The following PCDH7 variants were observed in gnomAD, a reference collection of about 807,000 sequenced individuals.
PCDH7 encodes the protein protocadherin-7.
In PCDH7, 17 loss-of-function variants were observed where a neutral mutation model predicts 58.9. The observed-to-expected ratio is 0.29, with a 90% CI of 0.20 to 0.43. PCDH7 has a LOEUF of 0.43. Among genes scored for constraint, PCDH7 ranks in the 20% least tolerant of loss-of-function variants. The pLI is 1.00. For missense variants in PCDH7, 1,274 were observed against 1,441.0 expected (o/e 0.88, Z 1.88); for synonymous variants, 664 against 616.4 (o/e 1.08, Z -1.14).
chr4:30,750,373 T>C lies in PCDH7; in HGVS notation c.70+25777T>C, dbSNP rs1718349568. Among the ~76,000 whole-genome samples the C allele has an allele frequency of 5.9e-5, 9 of 152,278 alleles. 3 individuals carry two copies. On this transcript the variant is annotated intron_variant, in intron 1 of 3. Transcript: ENST00000509759. ...GGGACCTTGTGATTGCAGTTCATAT[T>C]GGTCAACCTCCTGGGCATAGAACAT...
chr4:30,855,804 G>A (rs1733375203), intron 1 of PCDH7, among the ~76,000 whole-genome samples: 1 of 152,040 alleles, frequency 6.6e-6, no homozygotes, highest in African/African-American at 2.4e-5. Flanking sequence ...CCCTGAATAG[G>A]TCAGAACCAT....
At chr4:31,056,681 G>T (rs1284857542) in intron 3 of PCDH7, among the ~76,000 whole-genome samples, 1 of 151,232 alleles carries the variant, frequency 6.6e-6, no homozygotes, top group African/African-American at 2.4e-5. Context: ...AAGAGAAAGA[G>T]AGAGGAGAGA....
At chr4:30,769,586 A>C (rs754677055) in intron 1 of PCDH7, among the ~76,000 whole-genome samples, 2 of 152,008 alleles carry the variant, frequency 1.3e-5, no homozygotes, top group Admixed American at 6.6e-5. Context: ...TTTAAGATAC[A>C]CTCTATCATG....
chr4:30,761,154 T>A (rs1000933435), intron 1 of PCDH7, among the ~76,000 whole-genome samples: 8 of 152,210 alleles, frequency 5.3e-5, no homozygotes, highest in Non-Finnish European at 1.2e-4. Context: ...CAGATGAGGA[T>A]GGGTTCTTGG....
chr4:31,007,672 A>G lies in PCDH7; in HGVS notation c.*7+57457A>G, dbSNP rs982483421. Among the ~76,000 whole-genome samples, 5 of 152,010 alleles carry G rather than the reference A, an allele frequency of 3.3e-5. No individual in the cohort carries two copies. In the South Asian group the frequency reaches 1.0e-3, roughly 31 times the overall value. ...ATTCTGGAAAAGAAGGAGCAAGAAT[A>G]TATGCTAATGGAAATTACTTGGAGA... On this transcript the variant is annotated intron_variant, in intron 3 of 3. Transcript: ENST00000509759.
At position 30,797,614 on chromosome 4, in the gene PCDH7, G is replaced by A. The variant is rs116298656; in HGVS notation, c.70+73018G>A. Among the ~76,000 whole-genome samples the A allele has an allele frequency of 3.3e-3, 510 of 152,270 alleles. 3 individuals are homozygous for A. Among genetic ancestry groups the A allele is most frequent in the African/African-American group, 0.012 (484 of 41,540 alleles). ...ATAATGAAATACTGTGTGCATGCTA[G>A]TGCATATGTATGTGTATTTCTTTAT... On this transcript the variant is annotated intron_variant, in intron 1 of 3. Transcript: ENST00000509759.
At chr4:30,973,042 A>G (rs1749743232) in intron 3 of PCDH7, among the ~76,000 whole-genome samples, 1 of 152,232 alleles carries the variant, frequency 6.6e-6, no homozygotes, top group South Asian at 2.1e-4. Flanking sequence ...AAAAGGTAAC[A>G]TGATGAGGAA....
At position 30,770,983 on chromosome 4, in the gene PCDH7, G is replaced by A. The variant is rs1458035761; in HGVS notation, c.70+46387G>A. Among the ~76,000 whole-genome samples, 3 of 152,102 alleles carry A rather than the reference G, an allele frequency of 2.0e-5. No homozygotes were observed. The East Asian group carries it at 5.8e-4, about 29-fold the overall frequency. On this transcript the variant is annotated intron_variant, in intron 1 of 3. Coordinates refer to the PCDH7 transcript ENST00000509759. ...TAAGCAGGCAGTTTATGTTTGAGCT[G>A]TGACAATTTCAAATGTGAACACTAG...
chr4:30,915,756 G>A (rs889303441), intron 1 of PCDH7, among the ~76,000 whole-genome samples: 10 of 152,044 alleles, frequency 6.6e-5, no homozygotes, highest in African/African-American at 1.9e-4. Flanking sequence ...TCTCTTGACC[G>A]CATGATCCGC....
chr4:30,936,056 G>A (rs1191001122), intron 2 of PCDH7, among the ~76,000 whole-genome samples: 2 of 151,816 alleles, frequency 1.3e-5, no homozygotes, highest in African/African-American at 4.8e-5. Flanking sequence ...AACGTGAAGT[G>A]GATAACCTAT....
At chr4:30,918,215 A>T (rs1408324567) in intron 1 of PCDH7, among the ~76,000 whole-genome samples, 1 of 152,132 alleles carries the variant, frequency 6.6e-6, no homozygotes. Flanking sequence ...TTCATTGCCC[A>T]GAAGTGTTTA....
chr4:30,925,719 T>C (rs1451465282), intron 2 of PCDH7: 1 of 152,152 alleles, frequency 6.6e-6, no homozygotes, highest in Non-Finnish European at 1.5e-5. Context: ...TTTGGGAGGG[T>C]GCTATTCACT....
intron 3 of PCDH7, among the ~76,000 whole-genome samples, chr4:31,127,518 G>T (rs1439648215): frequency 6.6e-6 from 1 of 152,064 alleles, no homozygotes; most frequent in South Asian, 2.1e-4. Context: ...TTGCCATTTT[G>T]TTGATTGAAA....
intron 1 of PCDH7, among the ~76,000 whole-genome samples, chr4:30,771,909 C>G (rs532805141): frequency 6.6e-6 from 1 of 152,054 alleles, no homozygotes; most frequent in African/African-American, 2.4e-5. Context: ...TTTGCTCTGT[C>G]GCCCAGGCTG....
At chr4:30,737,479 C>T (rs1716466006), downstream of PCDH7, among the ~76,000 whole-genome samples, 1 of 152,082 alleles carries the variant, frequency 6.6e-6, no homozygotes, top group Admixed American at 6.5e-5. Flanking sequence ...GTTCACGCTG[C>T]ACTCCAGCCT....
At chr4:30,743,778 G>A (rs1039645359) in intron 1 of PCDH7, among the ~76,000 whole-genome samples, 2 of 151,686 alleles carry the variant, frequency 1.3e-5, no homozygotes, top group Non-Finnish European at 2.9e-5. Context: ...ACTACTTTAT[G>A]TTTTAAATCA....
intron 3 of PCDH7, among the ~76,000 whole-genome samples, chr4:31,077,371 T>C (rs1376269985): frequency 7.0e-6 from 1 of 143,838 alleles, no homozygotes; most frequent in Non-Finnish European, 1.5e-5. Flanking sequence ...ATCATGCCAT[T>C]GCACTCCAGC....
intron 3 of PCDH7, among the ~76,000 whole-genome samples, chr4:31,036,442 C>T (rs1755420603): frequency 6.6e-6 from 1 of 152,124 alleles, no homozygotes; most frequent in Admixed American, 6.5e-5. Flanking sequence ...CAAAACTCGG[C>T]CTCCCACAGT....
Position 30,976,600 on chromosome 4 carries a change from C to T in PCDH7, c.*7+26385C>T, listed in dbSNP as rs1359126526. ...ATTTTTAGTAGAGATGGGGTTTCAC[C>T]ATGTTGACCAGGCTGGTCTCAAATT... On this transcript the variant is annotated intron_variant, in intron 3 of 3. Coordinates refer to the PCDH7 transcript ENST00000509759. 2.0e-5 allele frequency among the ~76,000 whole-genome samples: 3 copies of T among 151,454 alleles called. No individual in the cohort carries two copies. The East Asian group carries it at 5.9e-4, about 30-fold the overall frequency.
Sources: gnomAD v4.1 joint callset for allele counts (sites outside exome capture counted in the v4.1 genomes callset) on GRCh38, gnomAD v4.1.1 for gene constraint, MANE v1.5 for transcripts, NCBI Gene and HGNC (gene_info 2026-07-23, HGNC 2026-07-21) for gene names.